Variants in CDKN2B-AS1 observed in about 807,000 individuals in gnomAD.
CDKN2B-AS1 encodes CDKN2B antisense RNA 1 (non-protein coding).
chr9:22,057,060 C>T (rs946462177), intron 4 of CDKN2B-AS1, among the ~76,000 whole-genome samples: 5 of 152,114 alleles, frequency 3.3e-5, no homozygotes, highest in African/African-American at 9.6e-5. Flanking sequence ...TACCTTTACC[C>T]GACCCCAAAT....
chr9:22,070,761 T>G (rs1365653372), intron 4 of CDKN2B-AS1, among the ~76,000 whole-genome samples: 1 of 152,140 alleles, frequency 6.6e-6, no homozygotes, highest in Non-Finnish European at 1.5e-5. Context: ...AGCAAGATAT[T>G]AAGATTCCTC....
intron 1 of CDKN2B-AS1, chr9:22,029,566 A>T (rs1822381331): frequency 1.3e-6 from 1 of 778,142 alleles, no homozygotes; most frequent in South Asian, 1.3e-5. Context: ...AGGGTGTGGT[A>T]TGTGCCACTG....
intron 1 of CDKN2B-AS1, among the ~76,000 whole-genome samples, chr9:22,020,726 T>A (rs1017180649): frequency 6.6e-6 from 1 of 152,082 alleles, no homozygotes; most frequent in Non-Finnish European, 1.5e-5. Flanking sequence ...TTAATAGGGG[T>A]GTTTTATTCT....
At position 22,006,035 on chromosome 9, in the gene CDKN2B-AS1, C is replaced by CCGCTCCT; in HGVS notation, n.29+10877_29+10883dup. On this transcript the variant is annotated intron_variant and non_coding_transcript_variant, in intron 1 of 4. Coordinates refer to ENST00000650946, the Ensembl canonical transcript of CDKN2B-AS1. This position sits in a 1 kb window ranked among gnomAD's most constrained non-coding sequence, Gnocchi z 6.4. ...GGTACCCTGCAACGTCGCGGTGGCC[C>CCGCTCCT]CGCTCCTCGGCCAAGTCCACGGGCA... is the stretch of plus-strand genomic sequence containing the variant. 1 of 1,604,258 alleles carries CCGCTCCT rather than the reference C, an allele frequency of 6.2e-7. No individual in the cohort carries two copies. The highest frequency in any genetic ancestry group is 8.5e-7 in the Non-Finnish European group (1 of 1,179,484).
At chr9:22,025,769 C>T (rs976432361) in intron 1 of CDKN2B-AS1, among the ~76,000 whole-genome samples, 7 of 152,112 alleles carry the variant, frequency 4.6e-5, no homozygotes, top group Admixed American at 6.5e-5. Flanking sequence ...TGGCTGAAGA[C>T]GCTAGTTGGG....
At chr9:22,071,322 C>T (rs1216977889) in intron 4 of CDKN2B-AS1, among the ~76,000 whole-genome samples, 4 of 106,140 alleles carry the variant, frequency 3.8e-5, no homozygotes, top group Non-Finnish European at 6.9e-5. Context: ...TTTTTAGACA[C>T]GGAGTCTTGC....
rs1821311940 is a variant in CDKN2B-AS1, at chr9:22,008,606, T to C, written n.29+13445T>C. The C allele has an allele frequency of 2.0e-6, 3 of 1,521,306 alleles. No individual in the cohort carries two copies. The East Asian group carries it at 7.0e-5, about 35-fold the overall frequency. 94.2% of individuals were successfully genotyped at this position (1,521,306 alleles called of 1,614,324 possible). A position where few individuals can be genotyped will look rare whatever the true frequency, so the allele number is the denominator to read the frequency against. ...AAACCACTAAAAAAAGCTTAAACAG[T>C]GGGTTTTTCAATGTCTCTCTTTAGG... On this transcript the variant is annotated intron_variant and non_coding_transcript_variant, in intron 1 of 4. Coordinates refer to ENST00000650946, the Ensembl canonical transcript of CDKN2B-AS1.
intron 4 of CDKN2B-AS1, among the ~76,000 whole-genome samples, chr9:22,081,278 T>A (rs1366349145): frequency 7.5e-6 from 1 of 134,088 alleles, no homozygotes; most frequent in African/African-American, 3.3e-5. Context: ...TCTTTAGCTT[T>A]TTTTTTTTTT....
chr9:22,122,364 G>A (rs1396749335), intron 4 of CDKN2B-AS1, among the ~76,000 whole-genome samples: 2 of 152,058 alleles, frequency 1.3e-5, no homozygotes, highest in Non-Finnish European at 2.9e-5. Flanking sequence ...TCACTCTGTT[G>A]ATTACTTCCT....
intron 4 of CDKN2B-AS1, among the ~76,000 whole-genome samples, chr9:22,076,588 CAT>C (rs1283921229): frequency 1.3e-5 from 2 of 152,196 alleles, no homozygotes; most frequent in Non-Finnish European, 2.9e-5. Flanking sequence ...CATCATCTCA[CAT>C]AGTTACCTGC....
rs1475035552 is a variant in CDKN2B-AS1 at position 22,001,942 on chromosome 9, A to G, written n.29+6781A>G. Among the ~76,000 whole-genome samples, 2 of 152,214 alleles carry G rather than the reference A, an allele frequency of 1.3e-5. No homozygotes were observed. The highest frequency in any genetic ancestry group is 2.1e-4 in the South Asian group (1 of 4,826). On this transcript the variant is annotated intron_variant and non_coding_transcript_variant, in intron 1 of 4. Transcript: ENST00000650946. This position sits in a 1 kb window ranked among gnomAD's most constrained non-coding sequence, Gnocchi z 4.2. ...CATTCCCTCTTTCTTTCCTGTCGTT[A>G]TAAGTAGAATAGGAAAATATTGAAA...
At chr9:22,027,341 T>A (rs766100513) in intron 1 of CDKN2B-AS1, among the ~76,000 whole-genome samples, 1 of 152,144 alleles carries the variant, frequency 6.6e-6, no homozygotes, top group Non-Finnish European at 1.5e-5. Context: ...AAGGAACATA[T>A]CTCATGAAAT....
chr9:22,019,137 A>T (rs940413698), intron 1 of CDKN2B-AS1, among the ~76,000 whole-genome samples: 1 of 152,260 alleles, frequency 6.6e-6, no homozygotes, highest in Non-Finnish European at 1.5e-5. Context: ...AAAACATTGT[A>T]GCTAGCTGAG....
intron 4 of CDKN2B-AS1, among the ~76,000 whole-genome samples, chr9:22,106,740 T>A (rs1825670447): frequency 6.6e-6 from 1 of 152,210 alleles, no homozygotes; most frequent in African/African-American, 2.4e-5. Flanking sequence ...AATGCTTTTT[T>A]AGTTATTAAT....
intron 4 of CDKN2B-AS1, among the ~76,000 whole-genome samples, chr9:22,090,337 A>T (rs912889149): frequency 1.6e-4 from 25 of 152,208 alleles, no homozygotes; most frequent in African/African-American, 6.0e-4. Flanking sequence ...CTTTGGGTAT[A>T]GACCCAGTAA....
chr9:22,005,892 C>G lies in CDKN2B-AS1; in HGVS notation n.29+10731C>G, dbSNP rs1821148030. On this transcript the variant is annotated intron_variant and non_coding_transcript_variant, in intron 1 of 4. Transcript: ENST00000650946. This position sits in a 1 kb window ranked among gnomAD's most constrained non-coding sequence, Gnocchi z 4.9. The stretch of plus-strand genomic sequence containing the variant: ...GCTTGCAGGCTTACAGGCTTTCCGC[C>G]GCTCCCCGTTGGCAGCCTTCATCGA... 1.3e-6 allele frequency: 2 copies of G among 1,507,412 alleles called. No individual in the cohort carries two copies. Among genetic ancestry groups the G allele is most frequent in the African/African-American group, 1.4e-5 (1 of 73,082 alleles). The allele number at this position is 1,507,412 out of a possible 1,614,324, so 93.4% of individuals were successfully genotyped here.
chr9:22,107,280 C>G (rs1436929462), intron 4 of CDKN2B-AS1, among the ~76,000 whole-genome samples: 1 of 152,190 alleles, frequency 6.6e-6, no homozygotes, highest in South Asian at 2.1e-4. Flanking sequence ...AGAGAGGTAG[C>G]ATTGGTAGCC....
At chr9:22,111,632 G>GT (rs563770845) in intron 4 of CDKN2B-AS1, among the ~76,000 whole-genome samples, 2 of 152,166 alleles carry the variant, frequency 1.3e-5, no homozygotes, top group African/African-American at 2.4e-5. Context: ...AGAAAGACAG[G>GT]TTTTTACAGT....
chr9:22,069,436 C>T (rs897151010), intron 4 of CDKN2B-AS1, among the ~76,000 whole-genome samples: 2 of 151,968 alleles, frequency 1.3e-5, no homozygotes, highest in Admixed American at 6.5e-5. Context: ...TCATTATTCC[C>T]GTGAAAAAAC....
Sources: gnomAD v4.1 joint callset for allele counts (sites outside exome capture counted in the v4.1 genomes callset) on GRCh38, gnomAD v4.1.1 for gene constraint, Gnocchi (gnomAD v3.1) non-coding constraint, MANE v1.5 for transcripts, NCBI Gene and HGNC (gene_info 2026-07-23, HGNC 2026-07-21) for gene names.